PLA2G4E: variants seen among roughly 807,000 people sequenced by gnomAD.
The protein encoded by PLA2G4E is cytosolic phospholipase A2 epsilon.
Under a neutral mutation model 109.1 loss-of-function variants are expected in PLA2G4E, and 84 were observed. The ratio of observed to expected loss-of-function variants is 0.77; its 90% CI spans 0.65 to 0.92. PLA2G4E has a LOEUF of 0.92. PLA2G4E is among the 40% of genes least tolerant of loss of function. The pLI, the probability that PLA2G4E is intolerant of heterozygous loss-of-function variation, is 0.00. For missense variants in PLA2G4E, 1,057 were observed against 1,076.6 expected, an observed-to-expected ratio of 0.98 and a Z score of 0.25; for synonymous variants, 469 against 436.1, an observed-to-expected ratio of 1.08 and a Z score of -0.94.
At chr15:42,049,371 C>T (rs191135797) in intron 1 of PLA2G4E, among the ~76,000 whole-genome samples, 3 of 152,192 alleles carry the variant, frequency 2.0e-5, no homozygotes, top group East Asian at 1.9e-4. Context: ...TTCATCCATG[C>T]GGGCAGCGGC....
chr15:42,004,456 G>C (rs1443715130), intron 5 of PLA2G4E, among the ~76,000 whole-genome samples: 1 of 152,060 alleles, frequency 6.6e-6, no homozygotes, highest in Non-Finnish European at 1.5e-5. Flanking sequence ...AAAGAACCCT[G>C]CAAGGTGGGC....
intron 1 of PLA2G4E, among the ~76,000 whole-genome samples, chr15:42,025,741 G>A (rs886079356): frequency 2.0e-5 from 3 of 152,162 alleles, no homozygotes; most frequent in Non-Finnish European, 4.4e-5. Context: ...GGCTAGAAAG[G>A]GAGCTGGAAC....
exon 13 of PLA2G4E, chr15:41,992,761 C>T (rs963673656): frequency 6.2e-7 from 1 of 1,612,636 alleles, no homozygotes; most frequent in South Asian, 1.1e-5. Flanking sequence ...AGGTCTCTAT[C>T]AGCAGGCCCC....
intron 1 of PLA2G4E, chr15:42,050,401 G>C: frequency 8.2e-7 from 1 of 1,226,888 alleles, no homozygotes; most frequent in Non-Finnish European, 1.1e-6. Flanking sequence ...CGGAGAGAAA[G>C]AAATGAACAA....
chr15:42,036,365 T>A (rs2412655), intron 1 of PLA2G4E, among the ~76,000 whole-genome samples: 20,412 of 152,106 alleles, frequency 0.13, 3,343 homozygotes, highest in African/African-American at 0.39. Flanking sequence ...GCTCTTGCAC[T>A]GGGAGCAGGA....
Position 42,037,573 on chromosome 15 carries a change from A to G in PLA2G4E, c.183+12948T>C, listed in dbSNP as rs991925391. Among the ~76,000 whole-genome samples, 47 of 152,226 alleles carry G rather than the reference A, an allele frequency of 3.1e-4. 1 individual carries two copies. Among genetic ancestry groups the G allele is most frequent in the African/African-American group, 1.0e-3 (43 of 41,454 alleles). On this transcript the variant is annotated intron_variant, in intron 1 of 19. Coordinates refer to ENST00000399518, the Ensembl canonical transcript of PLA2G4E. ...ACCTTGTTCTTCCTGGTCACAGGAC[A>G]AGAACTTGGTACCTGTCTAATGGCG...
At chr15:42,005,015 G>T in intron 4 of PLA2G4E, 37 bp from the exon 5 acceptor site, 4 of 1,607,980 alleles carry the variant, frequency 2.5e-6, no homozygotes, top group Non-Finnish European at 3.4e-6. Flanking sequence ...TGTGAGTGGC[G>T]TCTGCACATC....
chr15:41,985,243 G>T (rs1238773783), intron 18 of PLA2G4E, among the ~76,000 whole-genome samples: 1 of 152,184 alleles, frequency 6.6e-6, no homozygotes, highest in Non-Finnish European at 1.5e-5. Context: ...AAAGTGCATT[G>T]TTACCCATTT....
chr15:41,987,727 C>T lies in PLA2G4E; in HGVS notation c.1831+322G>A, dbSNP rs1280002969. On this transcript the variant is annotated intron_variant, in intron 16 of 19. Coordinates refer to ENST00000399518, the Ensembl canonical transcript of PLA2G4E. ...CAGGCCTTGGCGCTGGTGTCACTCA[C>T]CTACAGTCACCCTCCCCTCCAGGCA... Among the ~76,000 whole-genome samples the T allele has an allele frequency of 2.0e-5, 3 of 152,170 alleles. No individual in the cohort carries two copies. The East Asian group carries it at 5.8e-4, about 29-fold the overall frequency.
intron 15 of PLA2G4E, 70 bp downstream of exon 15, chr15:41,989,343 CAG>C (rs2068201205): frequency 6.3e-7 from 1 of 1,582,672 alleles, no homozygotes; most frequent in Non-Finnish European, 8.6e-7. Context: ...GTCACATAAT[CAG>C]GGGCCAACCC....
intron 1 of PLA2G4E, among the ~76,000 whole-genome samples, chr15:42,029,153 G>A (rs73397843): frequency 0.085 from 12,908 of 152,094 alleles, 1,087 homozygotes; most frequent in African/African-American, 0.21. Flanking sequence ...GTGCAGTGGC[G>A]CGATCTCAGC....
At chr15:42,006,575 G>T (rs2068479365) in intron 3 of PLA2G4E, among the ~76,000 whole-genome samples, 1 of 152,218 alleles carries the variant, frequency 6.6e-6, no homozygotes. Context: ...TCCAGGGAGT[G>T]ATGTGGCAAA....
At position 41,999,985 on chromosome 15, in the gene PLA2G4E, G is replaced by A. The variant is rs756610894; in HGVS notation, c.868C>T (p.Arg290Cys). 16 of 1,609,066 alleles carry A rather than the reference G, an allele frequency of 9.9e-6. No homozygotes were observed. The highest frequency in any genetic ancestry group is 1.7e-4 in the Middle Eastern group (1 of 6,058). Residue 290 changes from arginine to cysteine, a missense_variant, in exon 9 of 20, where the codon CGC becomes TGC. Transcript: ENST00000399518. ...GGCTGGCTGATGGGGCCCTTCTTGC[G>A]AGAGCGGCAGCAAAGCTGGAGGGAT...
chr15:42,038,261 A>C (rs1395128958), intron 1 of PLA2G4E, among the ~76,000 whole-genome samples: 3 of 152,244 alleles, frequency 2.0e-5, no homozygotes, highest in African/African-American at 7.2e-5. Context: ...GTTTTGTAGA[A>C]GACAATTTTT....
At position 42,033,636 on chromosome 15, in the gene PLA2G4E, G is replaced by C. The variant is rs532869477; in HGVS notation, c.183+16885C>G. Among the ~76,000 whole-genome samples, 6 of 152,278 alleles carry C rather than the reference G, an allele frequency of 3.9e-5. No homozygotes were observed. In the South Asian group the frequency reaches 1.2e-3, roughly 32 times the overall value. ...GGGTGACTCTGCAGTCCTGGTTTCT[G>C]TCATCTGGGCAGCACCTGGGTGAGG... On this transcript the variant is annotated intron_variant, in intron 1 of 19. Coordinates refer to ENST00000399518, the Ensembl canonical transcript of PLA2G4E.
At chr15:42,033,020 A>T (rs1189004122) in intron 1 of PLA2G4E, among the ~76,000 whole-genome samples, 2 of 152,004 alleles carry the variant, frequency 1.3e-5, no homozygotes, top group Admixed American at 1.3e-4. Context: ...GTATGCTGTG[A>T]GCATGTATGA....
chr15:41,985,725 G>A (rs1236644210), intron 18 of PLA2G4E, 114 bp downstream of exon 18: 3 of 1,307,924 alleles, frequency 2.3e-6, no homozygotes, highest in African/African-American at 1.5e-5. Flanking sequence ...GATGCTCTCT[G>A]GGGGCTGTCT....
chr15:42,028,541 G>A (rs1326137262), intron 1 of PLA2G4E, among the ~76,000 whole-genome samples: 3 of 151,966 alleles, frequency 2.0e-5, no homozygotes, highest in Non-Finnish European at 2.9e-5. Context: ...TGAGTAGCTG[G>A]GATTACAGGA....
intron 10 of PLA2G4E, chr15:41,998,571 A>G (rs2068377142): frequency 6.6e-6 from 1 of 152,240 alleles, no homozygotes; most frequent in African/African-American, 2.4e-5. Context: ...TTGATTTCTG[A>G]CAATCAAGAT....
Sources: allele counts gnomAD v4.1 joint callset (sites outside exome capture counted in the v4.1 genomes callset), GRCh38; gene constraint gnomAD v4.1.1; transcripts MANE v1.5; gene names NCBI Gene and HGNC (gene_info 2026-07-23, HGNC 2026-07-21).